Variants in DMD observed in about 807,000 individuals in gnomAD.
The protein encoded by DMD is mutant dystrophin.
A neutral mutation model predicts 330.1 loss-of-function variants in DMD; 63 were observed. The ratio of observed to expected loss-of-function variants is 0.19; its 90% CI spans 0.16 to 0.24. The LOEUF (loss-of-function observed/expected upper bound fraction) is 0.24, where lower values mean the gene tolerates loss of function less well. DMD is among the 10% of genes least tolerant of loss of function. The pLI is 1.00. For synonymous variants in DMD, 1,223 were observed against 959.8 expected, an observed-to-expected ratio of 1.27 and a Z score of -5.07; for missense variants, 3,344 against 2,684.1, an observed-to-expected ratio of 1.25 and a Z score of -5.43.
At chrX:32,698,591 T>C (rs1016918106) in intron 8 of DMD, among the ~76,000 whole-genome samples, 4 of 112,246 alleles carry the variant, frequency 3.6e-5, no homozygotes, top group African/African-American at 9.7e-5. Context: ...TATACAATTA[T>C]GTAACGAAGA....
intron 47 of DMD, among the ~76,000 whole-genome samples, chrX:31,903,647 T>C (rs2094447549): frequency 1.8e-5 from 2 of 112,282 alleles, no homozygotes; most frequent in South Asian, 7.2e-4. Context: ...AATGTGGGTA[T>C]AAATCTCTGC....
intron 1 of DMD, among the ~76,000 whole-genome samples, chrX:33,173,243 ACAT>A (rs1211357994): frequency 1.8e-5 from 2 of 111,678 alleles, no homozygotes; most frequent in African/African-American, 6.5e-5. Flanking sequence ...CCATGTGTGT[ACAT>A]CATGAGTATA....
At chrX:31,965,717 A>G (rs2095345087) in intron 45 of DMD, among the ~76,000 whole-genome samples, 1 of 111,791 alleles carries the variant, frequency 8.9e-6, no homozygotes, top group South Asian at 3.7e-4. Context: ...TCCTTCGTGT[A>G]CAAAGACAGT....
In DMD at chrX:31,587,489, T is replaced by C. The variant is rs193236839; in HGVS notation, c.8217+40184A>G. ...ACAAGATAATTAAAAATCAGTTGTA[T>C]TACTTAAGTTGCTTGTTAAAATATG... On this transcript the variant is annotated intron_variant, in intron 55 of 78. Transcript: ENST00000357033. 2.0e-4 allele frequency among the ~76,000 whole-genome samples: 22 copies of C among 112,582 alleles called. No homozygotes were observed. The East Asian group carries it at 3.1e-3, about 16-fold the overall frequency.
At chrX:31,259,689 T>C (rs934107635) in intron 63 of DMD, among the ~76,000 whole-genome samples, 1 of 112,009 alleles carries the variant, frequency 8.9e-6, no homozygotes, top group East Asian at 2.8e-4. Flanking sequence ...CTAGAAGACA[T>C]TTAATCATTT....
intron 62 of DMD, among the ~76,000 whole-genome samples, chrX:31,271,854 C>T (rs760385867): frequency 1.2e-5 from 1 of 86,230 alleles, no homozygotes; most frequent in Admixed American, 1.4e-4. Context: ...CTGGTTAGGG[C>T]AAATATTATA....
intron 55 of DMD, among the ~76,000 whole-genome samples, chrX:31,578,045 A>G (rs893753930): frequency 2.7e-5 from 3 of 111,659 alleles, no homozygotes; most frequent in African/African-American, 9.8e-5. Context: ...ACAAACTTCC[A>G]TTAACATCAA....
At chrX:31,455,670 G>A (rs1424192551) in intron 59 of DMD, among the ~76,000 whole-genome samples, 1 of 112,084 alleles carries the variant, frequency 8.9e-6, no homozygotes, top group Non-Finnish European at 1.9e-5. Flanking sequence ...AATTTCTGAA[G>A]CATCTCTCAT....
At chrX:32,761,452 A>AG (rs2072280423) in intron 7 of DMD, among the ~76,000 whole-genome samples, 1 of 112,187 alleles carries the variant, frequency 8.9e-6, no homozygotes, top group Admixed American at 9.5e-5. Context: ...CTCAGTCCCC[A>AG]GAAAAATGGC....
Position 33,210,990 on chromosome X carries a change from T to G in DMD, c.31+292A>C, listed in dbSNP as rs114046794. Among the ~76,000 whole-genome samples the G allele has an allele frequency of 0.024, 2,696 of 111,873 alleles. 90 individuals are homozygous for G. Among genetic ancestry groups the G allele is most frequent in the African/African-American group, 0.081 (2,511 of 30,842 alleles). ...CACAGCAATCAAAATAAATCTGTTA[T>G]AGTCAAATGACATTCTGCATATTCT... On this transcript the variant is annotated intron_variant, in intron 1 of 78. Transcript: ENST00000357033.
chrX:33,154,421 C>T (rs2148640352), intron 1 of DMD, among the ~76,000 whole-genome samples: 1 of 111,360 alleles, frequency 9.0e-6, no homozygotes, highest in Admixed American at 9.6e-5. Context: ...TATGCAAAGT[C>T]AGGTCTCAGA....
chrX:32,779,199 G>A (rs779253815), intron 7 of DMD, among the ~76,000 whole-genome samples: 12 of 110,188 alleles, frequency 1.1e-4, no homozygotes, highest in Admixed American at 3.9e-4. Flanking sequence ...AATTCCAAGA[G>A]ATTTAGTTTC....
chrX:32,266,158 G>A (rs1057389294), intron 43 of DMD, among the ~76,000 whole-genome samples: 7 of 111,607 alleles, frequency 6.3e-5, no homozygotes, highest in Non-Finnish European at 1.3e-4. Flanking sequence ...TCCCCATGGT[G>A]CTGTTCTTGT....
intron 48 of DMD, among the ~76,000 whole-genome samples, chrX:31,858,596 A>AT (rs1289114016): frequency 1.8e-5 from 2 of 110,011 alleles, no homozygotes; most frequent in Non-Finnish European, 3.8e-5. Context: ...TATAATAAAA[A>AT]AAATAAAATA....
At chrX:32,727,807 T>C (rs1439756973) in intron 7 of DMD, among the ~76,000 whole-genome samples, 1 of 108,549 alleles carries the variant, frequency 9.2e-6, no homozygotes, top group East Asian at 2.9e-4. Flanking sequence ...AATTCACTTT[T>C]ATTTACCAAA....
chrX:32,588,863 T>C (rs1476921077), intron 13 of DMD, among the ~76,000 whole-genome samples: 1 of 112,016 alleles, frequency 8.9e-6, no homozygotes, highest in Non-Finnish European at 1.9e-5. Flanking sequence ...GGTACAGGTG[T>C]CATGATAAGT....
intron 62 of DMD, among the ~76,000 whole-genome samples, chrX:31,294,674 G>A (rs1015475885): frequency 8.9e-6 from 1 of 112,110 alleles, no homozygotes; most frequent in African/African-American, 3.2e-5. Flanking sequence ...CCGTTATAGA[G>A]GTGTGCTTTC....
chrX:32,613,913 A>C (rs1406492922), intron 12 of DMD, among the ~76,000 whole-genome samples: 2 of 111,074 alleles, frequency 1.8e-5, no homozygotes, highest in Non-Finnish European at 3.8e-5. Context: ...GAGTTTGGGA[A>C]ATCCAAGATC....
intron 9 of DMD, among the ~76,000 whole-genome samples, chrX:32,668,486 C>T (rs1427986520): frequency 4.5e-5 from 5 of 111,925 alleles, no homozygotes; most frequent in Admixed American, 2.9e-4. Flanking sequence ...CTCAAGTTGG[C>T]TTAAAAGGTT....
Sources: gnomAD v4.1 joint callset for allele counts (sites outside exome capture counted in the v4.1 genomes callset) on GRCh38, gnomAD v4.1.1 for gene constraint, MANE v1.5 for transcripts, NCBI Gene and HGNC (gene_info 2026-07-23, HGNC 2026-07-21) for gene names.